PCDHA4: variants seen among roughly 807,000 people sequenced by gnomAD.
PCDHA4 encodes the protein protocadherin alpha-4.
PCDHA4 carries 49 observed loss-of-function variants against 61.4 expected under a neutral mutation model. The observed-to-expected ratio is 0.80, with a 90% CI of 0.63 to 1.01. The LOEUF (loss-of-function observed/expected upper bound fraction) is 1.01, where lower values mean the gene tolerates loss of function less well. Among genes scored for constraint, PCDHA4 ranks in the 50% least tolerant of loss-of-function variants. PCDHA4 has a pLI of 0.00. For missense variants in PCDHA4, 1,254 were observed against 1,235.8 expected, an observed-to-expected ratio of 1.01 and a Z score of -0.22; for synonymous variants, 590 against 550.3, an observed-to-expected ratio of 1.07 and a Z score of -1.01.
intron 3 of PCDHA4, among the ~76,000 whole-genome samples, chr5:141,001,563 C>A (rs531745574): frequency 6.6e-6 from 1 of 152,296 alleles, no homozygotes; most frequent in South Asian, 2.1e-4. Context: ...GACCACGATT[C>A]TCCTGTGTTT....
At chr5:140,900,700 T>C (rs557185787) in intron 1 of PCDHA4, among the ~76,000 whole-genome samples, 1 of 152,352 alleles carries the variant, frequency 6.6e-6, no homozygotes, top group South Asian at 2.1e-4. Context: ...ATTTCCGTTC[T>C]TTTGGAAAGA....
At chr5:140,875,265 T>G in intron 1 of PCDHA4, 1 of 1,201,060 alleles carries the variant, frequency 8.3e-7, no homozygotes, top group Non-Finnish European at 1.1e-6. Context: ...GATGTCGCTC[T>G]ACACTCAGAA....
At chr5:141,003,502 G>C (rs1384211644) in intron 3 of PCDHA4, among the ~76,000 whole-genome samples, 3 of 151,992 alleles carry the variant, frequency 2.0e-5, no homozygotes, top group African/African-American at 2.4e-5. Context: ...TAGTAGAGAT[G>C]GGGTTTCACC....
chr5:141,011,924 AG>A lies in PCDHA4; in HGVS notation c.*1989del, dbSNP rs1246091886. Reference sequence around the variant, plus strand: ...ATTTAGGCATTAATATAAAAGAGGTAGGAGTCTGTTATTTAAAAAAAGCATT... The same window carrying A: ...ATTTAGGCATTAATATAAAAGAGGTAGAGTCTGTTATTTAAAAAAAGCATT... On this transcript the variant is annotated 3_prime_UTR_variant, in exon 4 of 4. Coordinates refer to ENST00000530339, the MANE Select transcript of PCDHA4 (RefSeq NM_018907.4). 1 of 153,728 alleles carries A rather than the reference AG, an allele frequency of 6.5e-6. No homozygotes were observed. Among genetic ancestry groups the A allele is most frequent in the Non-Finnish European group, 1.5e-5 (1 of 68,042 alleles). 9.5% of individuals were successfully genotyped at this position (153,728 alleles called of 1,614,324 possible).
At chr5:140,835,950 T>C (rs2150248935) in intron 1 of PCDHA4, 44 of 1,612,684 alleles carry the variant, frequency 2.7e-5, no homozygotes, top group Middle Eastern at 3.6e-4. Context: ...GCTGCAGCCG[T>C]TGGACCACGA....
intron 1 of PCDHA4, among the ~76,000 whole-genome samples, chr5:140,855,328 G>C (rs1554147750): frequency 6.7e-6 from 1 of 149,766 alleles, no homozygotes; most frequent in East Asian, 1.9e-4. Context: ...GGAGGGAGAG[G>C]TTAAACGATT....
At chr5:140,929,690 C>A in intron 1 of PCDHA4, 1 of 278,482 alleles carries the variant, frequency 3.6e-6, no homozygotes, top group Non-Finnish European at 7.0e-6. Flanking sequence ...TAAGAGTCTG[C>A]TTTATATGAA....
intron 1 of PCDHA4, chr5:140,865,282 T>G (rs2048808966): frequency 6.6e-6 from 1 of 152,240 alleles, no homozygotes; most frequent in Non-Finnish European, 1.5e-5. Flanking sequence ...GTAAAATTAC[T>G]TTGCTCTTTT....
At chr5:140,875,844 G>A in intron 1 of PCDHA4, 1 of 1,614,178 alleles carries the variant, frequency 6.2e-7, no homozygotes, top group Non-Finnish European at 8.5e-7. Flanking sequence ...TGGAGGTGAA[G>A]GACATTAACG....
In PCDHA4 at chr5:140,851,279, A is replaced by G. The variant is rs1554145338; in HGVS notation, c.2385+41707A>G. On this transcript the variant is annotated intron_variant, in intron 1 of 3. Transcript: ENST00000530339. ...ATTTTAGTCTACTTGTATTGTTTAT[A>G]AGAAACCCAAGCAAAAATATATAGC... 2.9e-6 allele frequency: 3 copies of G among 1,045,342 alleles called. 1 individual carries two copies. In the African/African-American group the frequency reaches 5.0e-5, roughly 17 times the overall value. The allele number at this position is 1,045,342 out of a possible 1,614,324, so 64.8% of individuals were successfully genotyped here.
chr5:140,809,133 T>C lies in PCDHA4; in HGVS notation c.1946T>C (p.Val649Ala). 6.2e-7 allele frequency: 1 copy of C among 1,613,976 alleles called. No homozygotes were observed. Among genetic ancestry groups the C allele is most frequent in the Non-Finnish European group, 8.5e-7 (1 of 1,179,928 alleles). ...ETDAPRHRLL[V>A]LVKDHGEPAL... Reference sequence around the variant, plus strand: ...GACGCTCCGCGCCACCGCCTACTGGTACTGGTGAAGGACCACGGCGAGCCC... The same window carrying C: ...GACGCTCCGCGCCACCGCCTACTGGCACTGGTGAAGGACCACGGCGAGCCC... Residue 649 changes from valine (V) to alanine (A), a missense_variant, in exon 1 of 4, where the codon GTA (valine) becomes GCA (alanine). Coordinates refer to ENST00000530339, the MANE Select transcript of PCDHA4 (RefSeq NM_018907.4).
intron 1 of PCDHA4, chr5:140,829,968 T>G (rs1770719339): frequency 6.2e-7 from 1 of 1,613,838 alleles, no homozygotes; most frequent in Admixed American, 1.7e-5. Context: ...CGCGTGGGGC[T>G]GTACACGGGC....
intron 1 of PCDHA4, chr5:140,966,679 G>C (rs1554228549): frequency 8.3e-6 from 11 of 1,317,564 alleles, no homozygotes; most frequent in East Asian, 3.0e-5. Context: ...AGGGTGGCAC[G>C]AGCGGAGGCG....
chr5:140,966,290 G>A (rs2095989541), intron 1 of PCDHA4: 3 of 375,186 alleles, frequency 8.0e-6, no homozygotes, highest in Non-Finnish European at 1.4e-5. Flanking sequence ...GGGGTAGGGA[G>A]AAAGGGAGTG....
chr5:140,836,217 C>T, intron 1 of PCDHA4: 1 of 1,613,820 alleles, frequency 6.2e-7, no homozygotes, highest in Non-Finnish European at 8.5e-7. Flanking sequence ...GTATGAGTTG[C>T]AACCGGTGGC....
At chr5:140,942,681 A>G (rs1554215168) in intron 1 of PCDHA4, among the ~76,000 whole-genome samples, 1 of 152,206 alleles carries the variant, frequency 6.6e-6, no homozygotes, top group African/African-American at 2.4e-5. Flanking sequence ...AGTTTTAGGA[A>G]TAACTTTAAT....
intron 3 of PCDHA4, among the ~76,000 whole-genome samples, chr5:141,006,559 T>C (rs2098278096): frequency 6.6e-6 from 1 of 152,134 alleles, no homozygotes; most frequent in East Asian, 1.9e-4. Flanking sequence ...TAAAGATGAC[T>C]CTGGCTACTG....
At chr5:140,895,099 T>C (rs558310890) in intron 1 of PCDHA4, among the ~76,000 whole-genome samples, 1 of 152,326 alleles carries the variant, frequency 6.6e-6, no homozygotes, top group East Asian at 1.9e-4. Flanking sequence ...ATAGGGGTTT[T>C]TGCTACAAGA....
At position 140,993,501 on chromosome 5, in the gene PCDHA4, C is replaced by CACACAT. The variant is rs1554253793; in HGVS notation, c.2533+10943_2533+10944insTACACA. Reference sequence around the variant, plus strand: ...ACACACACACACACACACACACACACACACACACGGGGAGAGAGAGACAGA... The same window carrying CACACAT: ...ACACACACACACACACACACACACACACACATACACACACGGGGAGAGAGAGACAGA... On this transcript the variant is annotated intron_variant, in intron 3 of 3. Coordinates refer to ENST00000530339, the MANE Select transcript of PCDHA4 (RefSeq NM_018907.4). Among the ~76,000 whole-genome samples the CACACAT allele has an allele frequency of 3.4e-5, 5 of 148,992 alleles. No homozygotes were observed. The East Asian group carries it at 7.8e-4, about 23-fold the overall frequency.
Sources: gnomAD v4.1 joint callset for allele counts (sites outside exome capture counted in the v4.1 genomes callset) on GRCh38, gnomAD v4.1.1 for gene constraint, MANE v1.5 for transcripts, NCBI Gene and HGNC (gene_info 2026-07-23, HGNC 2026-07-21) for gene names.